The following NPLOC4 variants were observed in gnomAD, a reference collection of about 807,000 sequenced individuals.
NPLOC4 encodes NPL4 homolog, ubiquitin recognition factor.
In NPLOC4, 18 loss-of-function variants were observed where a neutral mutation model predicts 80.6. The ratio of observed to expected loss-of-function variants is 0.22; its 90% CI spans 0.15 to 0.33. The LOEUF (loss-of-function observed/expected upper bound fraction) is 0.33, where lower values mean the gene tolerates loss of function less well. NPLOC4 is among the 10% of genes least tolerant of loss of function. NPLOC4 has a pLI of 1.00. For synonymous variants in NPLOC4, 313 were observed against 301.5 expected (o/e 1.04, Z -0.39); for missense variants, 540 against 786.1 (o/e 0.69, Z 3.74).
intron 4 of NPLOC4, chr17:81,613,084 T>A (rs1367308849): frequency 4.5e-5 from 19 of 419,414 alleles, no homozygotes; most frequent in African/African-American, 3.8e-4. Flanking sequence ...TGCTTCAAAA[T>A]TTTTTATGGG....
intron 1 of NPLOC4, among the ~76,000 whole-genome samples, chr17:81,635,069 C>T (rs531934638): frequency 3.9e-4 from 59 of 151,840 alleles, no homozygotes; most frequent in African/African-American, 1.3e-3. Flanking sequence ...AGGCCAGGCG[C>T]GGTGGCTTAT....
In NPLOC4 at chr17:81,559,131, G is replaced by T; in HGVS notation, c.*128C>A. 9.0e-7 allele frequency: 1 copy of T among 1,106,334 alleles called. No individual in the cohort carries two copies. The highest frequency in any genetic ancestry group is 1.3e-6 in the Non-Finnish European group (1 of 799,416). The allele number at this position is 1,106,334 out of a possible 1,614,324, so 68.5% of individuals were successfully genotyped here. ...AGCTTCAGTGGGTCAGGGAGCCCAGGACAGCCAGCCCCTTGTTCCTCCAGG... is the reference window on the plus strand; with the variant it reads ...AGCTTCAGTGGGTCAGGGAGCCCAGTACAGCCAGCCCCTTGTTCCTCCAGG... On this transcript the variant is annotated 3_prime_UTR_variant, in exon 17 of 17. Coordinates refer to ENST00000331134, the MANE Select transcript of NPLOC4 (RefSeq NM_017921.4).
rs1036788808 is a variant in NPLOC4, at chr17:81,558,470, A to G, written c.*789T>C. The G allele has an allele frequency of 1.3e-5, 2 of 152,196 alleles. No homozygotes were observed. The highest frequency in any genetic ancestry group is 2.4e-5 in the African/African-American group (1 of 41,430). The allele number at this position is 152,196 out of a possible 1,614,324, so 9.4% of individuals were successfully genotyped here. A position where few individuals can be genotyped will look rare whatever the true frequency, so the allele number is the denominator to read the frequency against. On this transcript the variant is annotated 3_prime_UTR_variant, in exon 17 of 17. Transcript: ENST00000331134. ...TGAGGTTTACTTCAAGGGAGAACTG[A>G]CTGGTGCCCCCGTCCACACTCATCA... is the stretch of plus-strand genomic sequence containing the variant.
chr17:81,606,544 C>G, intron 7 of NPLOC4, 147 bp downstream of exon 7: 1 of 833,712 alleles, frequency 1.2e-6, no homozygotes, highest in Admixed American at 3.0e-5. Flanking sequence ...CAGTGTACCA[C>G]TTCCACAAAA....
chr17:81,559,115 G>A lies in NPLOC4; in HGVS notation c.*144C>T, dbSNP rs2033755543. On this transcript the variant is annotated 3_prime_UTR_variant, in exon 17 of 17. Coordinates refer to ENST00000331134, the MANE Select transcript of NPLOC4 (RefSeq NM_017921.4). Reference sequence around the variant, plus strand: ...GAGGAACGTGCTGAGAAGCTTCAGTGGGTCAGGGAGCCCAGGACAGCCAGC... The same window carrying A: ...GAGGAACGTGCTGAGAAGCTTCAGTAGGTCAGGGAGCCCAGGACAGCCAGC... 1.6e-5 allele frequency: 14 copies of A among 898,742 alleles called. No homozygotes were observed. The highest frequency in any genetic ancestry group is 1.3e-4 in the South Asian group (7 of 55,388). The allele number at this position is 898,742 out of a possible 1,614,324, so 55.7% of individuals were successfully genotyped here.
intron 5 of NPLOC4, among the ~76,000 whole-genome samples, chr17:81,609,959 G>T (rs1002258340): frequency 2.6e-5 from 4 of 152,226 alleles, no homozygotes; most frequent in Admixed American, 6.5e-5. Flanking sequence ...CGCTGTAAAT[G>T]CTGCCCCTTT....
At position 81,577,038 on chromosome 17, in the gene NPLOC4, C is replaced by A. The variant is rs543264191; in HGVS notation, c.1282-4950G>T. 3.3e-5 allele frequency among the ~76,000 whole-genome samples: 5 copies of A among 152,304 alleles called. No homozygotes were observed. Among genetic ancestry groups the A allele is most frequent in the African/African-American group, 1.2e-4 (5 of 41,566 alleles). ...TGCACTAAGAATGAGTTACAGGGTC[C>A]ACCAAGTGCTGTTCACAGTGCCAGA... On this transcript the variant is annotated intron_variant, in intron 12 of 16. Transcript: ENST00000331134. The surrounding 1 kb of genome is among the most constrained non-coding windows in gnomAD (Gnocchi z 4.3).
At chr17:81,576,530 G>C (rs528842686) in intron 12 of NPLOC4, among the ~76,000 whole-genome samples, 1 of 152,298 alleles carries the variant, frequency 6.6e-6, no homozygotes, top group East Asian at 1.9e-4. Context: ...CAACTGAGGG[G>C]CAATTGTACT....
chr17:81,582,501 A>AGCCTCC (rs2034470410), intron 12 of NPLOC4, among the ~76,000 whole-genome samples: 1 of 152,190 alleles, frequency 6.6e-6, no homozygotes, highest in Admixed American at 6.5e-5. Flanking sequence ...TCCTGGGCTA[A>AGCCTCC]AGAGATCCTT....
intron 1 of NPLOC4, among the ~76,000 whole-genome samples, chr17:81,635,853 T>A (rs550144169): frequency 6.6e-6 from 1 of 152,216 alleles, no homozygotes; most frequent in Non-Finnish European, 1.5e-5. Flanking sequence ...TCCTGTCCAA[T>A]GGTCAGTTAG....
chr17:81,598,304 T>TTA (rs2034975121), intron 9 of NPLOC4, among the ~76,000 whole-genome samples: 1 of 151,868 alleles, frequency 6.6e-6, no homozygotes, highest in African/African-American at 2.4e-5. Flanking sequence ...TGCTGCTGGG[T>TTA]TAGAGATGAG....
intron 12 of NPLOC4, among the ~76,000 whole-genome samples, chr17:81,573,272 C>T (rs2034208224): frequency 6.6e-6 from 1 of 152,144 alleles, no homozygotes; most frequent in African/African-American, 2.4e-5. Flanking sequence ...CTCTCAGACC[C>T]GAAATGATTG....
At chr17:81,588,625 GGCATGA>G (rs2144137405) in intron 12 of NPLOC4, among the ~76,000 whole-genome samples, 1 of 152,336 alleles carries the variant, frequency 6.6e-6, no homozygotes, top group East Asian at 1.9e-4. Context: ...TGGGATTACA[GGCATGA>G]GCCACCATGC....
At chr17:81,581,444 T>C (rs553841231) in intron 12 of NPLOC4, among the ~76,000 whole-genome samples, 1 of 150,458 alleles carries the variant, frequency 6.6e-6, no homozygotes, top group African/African-American at 2.5e-5. Context: ...CAATTGTTAC[T>C]TGTCCTCAAG....
intron 5 of NPLOC4, among the ~76,000 whole-genome samples, chr17:81,609,270 GGCCTCCCAAAGTGTTA>G (rs1287380198): frequency 6.6e-6 from 1 of 152,110 alleles, no homozygotes; most frequent in Non-Finnish European, 1.5e-5. Context: ...CACCCGCCTT[GGCCTCCCAAAGTGTTA>G]GCTTTACAGG....
At chr17:81,582,113 C>G (rs1211449403) in intron 12 of NPLOC4, among the ~76,000 whole-genome samples, 1 of 152,212 alleles carries the variant, frequency 6.6e-6, no homozygotes, top group Admixed American at 6.5e-5. Context: ...ATAGACAGAG[C>G]CAGTCGGAAG....
chr17:81,615,579 A>G (rs2035459537), intron 3 of NPLOC4, among the ~76,000 whole-genome samples: 1 of 152,240 alleles, frequency 6.6e-6, no homozygotes. Context: ...CTCAGACAGC[A>G]GCCAGCAACA....
chr17:81,594,075 C>CGAG, intron 11 of NPLOC4, among the ~76,000 whole-genome samples: 1 of 151,692 alleles, frequency 6.6e-6, no homozygotes, highest in Non-Finnish European at 1.5e-5. Context: ...AGATCGAGAC[C>CGAG]ATCCTGGCTA....
intron 16 of NPLOC4, chr17:81,562,209 G>A (rs955181753): frequency 8.5e-5 from 13 of 152,136 alleles, no homozygotes; most frequent in Admixed American, 7.2e-4. Context: ...TGCAGCCTGG[G>A]TGACAGGGTG....
Sources: gnomAD v4.1 joint callset for allele counts (sites outside exome capture counted in the v4.1 genomes callset) on GRCh38, gnomAD v4.1.1 for gene constraint, Gnocchi (gnomAD v3.1) non-coding constraint, MANE v1.5 for transcripts, NCBI Gene and HGNC (gene_info 2026-07-23, HGNC 2026-07-21) for gene names.